The following ARHGAP44 variants were observed in gnomAD, a reference collection of about 807,000 sequenced individuals.
ARHGAP44 encodes the protein Rho GTPase activating protein 44.
A neutral mutation model predicts 106.8 loss-of-function variants in ARHGAP44; 43 were observed. The ratio of observed to expected loss-of-function variants is 0.40; its 90% CI spans 0.32 to 0.52. The LOEUF is 0.52. Among genes scored for constraint, ARHGAP44 ranks in the 20% least tolerant of loss-of-function variants. ARHGAP44 has a pLI of 0.48. For synonymous variants in ARHGAP44, 439 were observed against 410.3 expected (o/e 1.07, Z -0.85); for missense variants, 866 against 1,050.5 (o/e 0.82, Z 2.43).
At chr17:12,959,194 G>T (rs56251653) in intron 16 of ARHGAP44, 18,973 of 379,456 alleles carry the variant, frequency 0.05, 2,218 homozygotes, top group East Asian at 0.45. Flanking sequence ...AAATACATAC[G>T]CACTTTATTT....
chr17:12,797,364 T>C (rs1212550646), intron 1 of ARHGAP44, among the ~76,000 whole-genome samples: 1 of 152,248 alleles, frequency 6.6e-6, no homozygotes, highest in African/African-American at 2.4e-5. Flanking sequence ...TACCCTGCTA[T>C]TGATTAGTGT....
intron 6 of ARHGAP44, among the ~76,000 whole-genome samples, chr17:12,928,582 T>C (rs2038312851): frequency 6.6e-6 from 1 of 152,226 alleles, no homozygotes; most frequent in African/African-American, 2.4e-5. Context: ...TATATGATTA[T>C]GATTTATCCA....
chr17:12,790,944 A>G (rs1165992735), intron 1 of ARHGAP44, among the ~76,000 whole-genome samples: 2 of 152,114 alleles, frequency 1.3e-5, no homozygotes, highest in African/African-American at 4.8e-5. Flanking sequence ...TTCAAATGCA[A>G]GCTCAACACC....
rs147806975 is a variant in ARHGAP44, at chr17:12,909,362, C to T, written c.275+389C>T. Among the ~76,000 whole-genome samples the T allele has an allele frequency of 1.1e-3, 172 of 152,130 alleles. 2 individuals are homozygous for T. The highest frequency in any genetic ancestry group is 2.8e-3 in the African/African-American group (118 of 41,504). The stretch of plus-strand genomic sequence containing the variant: ...ATGAGAGAGCATCAGCAGACACAAT[C>T]AGTAGAAGAGTCAGTACCCTGAGAA... On this transcript the variant is annotated intron_variant, in intron 4 of 20. Transcript: ENST00000379672.
At chr17:12,859,135 G>C (rs770080621) in intron 1 of ARHGAP44, among the ~76,000 whole-genome samples, 18 of 152,146 alleles carry the variant, frequency 1.2e-4, no homozygotes, top group Non-Finnish European at 2.5e-4. Flanking sequence ...ATAAAAATGG[G>C]ATATTTGGAC....
At chr17:12,794,327 C>T (rs141226538) in intron 1 of ARHGAP44, among the ~76,000 whole-genome samples, 45 of 152,144 alleles carry the variant, frequency 3.0e-4, no homozygotes, top group South Asian at 1.0e-3. Flanking sequence ...GGGTTCACAG[C>T]GGCCCCATCC....
chr17:12,913,336 A>G (rs1322153629), intron 4 of ARHGAP44, among the ~76,000 whole-genome samples: 3 of 152,172 alleles, frequency 2.0e-5, no homozygotes, highest in Non-Finnish European at 4.4e-5. Flanking sequence ...GGTACGTAGA[A>G]AACAAGCAAG....
chr17:12,895,961 C>G (rs958958793), intron 2 of ARHGAP44, among the ~76,000 whole-genome samples: 9 of 152,046 alleles, frequency 5.9e-5, no homozygotes, highest in African/African-American at 1.4e-4. Context: ...TAGGGACATG[C>G]ATGAAGCTGG....
chr17:12,815,376 C>T (rs2034569148), intron 1 of ARHGAP44, among the ~76,000 whole-genome samples: 1 of 151,918 alleles, frequency 6.6e-6, no homozygotes, highest in African/African-American at 2.4e-5. Context: ...GTATTGTGTT[C>T]AATACTAGGA....
At chr17:12,824,091 C>G (rs1352077459) in intron 1 of ARHGAP44, among the ~76,000 whole-genome samples, 2 of 152,018 alleles carry the variant, frequency 1.3e-5, no homozygotes, top group Admixed American at 1.3e-4. Context: ...TTATTGGTCT[C>G]CAGTGCAGGA....
rs5819387 is a variant in ARHGAP44 at position 12,795,526 on chromosome 17, AT to A, written c.53+5647del. On this transcript the variant is annotated intron_variant, in intron 1 of 20. Coordinates refer to ENST00000379672, the MANE Select transcript of ARHGAP44 (RefSeq NM_014859.6). ...TCTCCATCAAAGTAATTTATCAATG[AT>A]TTTTTTTTTTTAATGATGGGCAATA... Among the ~76,000 whole-genome samples, 404 of 142,574 alleles carry A rather than the reference AT, an allele frequency of 2.8e-3. 1 individual carries two copies. The highest frequency in any genetic ancestry group is 7.4e-3 in the Middle Eastern group (2 of 272). The allele number at this position is 142,574 out of a possible 152,430, so 93.5% of individuals were successfully genotyped here.
At chr17:12,868,276 C>T (rs72813164) in intron 1 of ARHGAP44, among the ~76,000 whole-genome samples, 1,718 of 152,106 alleles carry the variant, frequency 0.011, 8 homozygotes, top group Non-Finnish European at 0.016. Context: ...ATAGGGACAC[C>T]AGTCATACTG....
intron 13 of ARHGAP44, among the ~76,000 whole-genome samples, chr17:12,955,596 C>G (rs762882839): frequency 4.6e-5 from 7 of 152,130 alleles, no homozygotes; most frequent in African/African-American, 9.7e-5. Flanking sequence ...TCATTATATA[C>G]TGAGTCAGAA....
intron 17 of ARHGAP44, chr17:12,973,711 C>G (rs938352060): frequency 2.5e-5 from 12 of 480,478 alleles, no homozygotes; most frequent in Non-Finnish European, 4.1e-5. Flanking sequence ...CCCTGCCCCC[C>G]CAGTTAGGCC....
At chr17:12,817,966 A>C (rs180774986) in intron 1 of ARHGAP44, among the ~76,000 whole-genome samples, 1 of 152,050 alleles carries the variant, frequency 6.6e-6, no homozygotes, top group South Asian at 2.1e-4. Context: ...TCTCTTTCAG[A>C]AAACAGAAGG....
At chr17:12,905,088 A>AT (rs2037508215) in intron 3 of ARHGAP44, among the ~76,000 whole-genome samples, 1 of 108,116 alleles carries the variant, frequency 9.2e-6, no homozygotes. Context: ...TTTTTTTTGT[A>AT]TTTTTAGAAG....
At chr17:12,929,161 A>T in intron 7 of ARHGAP44, 115 bp downstream of exon 7, 3 of 1,004,226 alleles carry the variant, frequency 3.0e-6, no homozygotes, top group Non-Finnish European at 4.4e-6. Flanking sequence ...AGTTGAACTG[A>T]ATGTCCCCAA....
chr17:12,890,668 T>G (rs896153841), intron 1 of ARHGAP44, among the ~76,000 whole-genome samples: 6 of 152,228 alleles, frequency 3.9e-5, no homozygotes, highest in African/African-American at 1.2e-4. Context: ...CTTCCTGCTA[T>G]CCATGCTAAG....
intron 18 of ARHGAP44, among the ~76,000 whole-genome samples, chr17:12,978,091 C>T (rs2039739994): frequency 7.1e-6 from 1 of 141,516 alleles, no homozygotes; most frequent in African/African-American, 2.6e-5. Context: ...AGGAAGAGCT[C>T]ATTCCTAGAT....
Sources: gnomAD v4.1 joint callset for allele counts (sites outside exome capture counted in the v4.1 genomes callset) on GRCh38, gnomAD v4.1.1 for gene constraint, MANE v1.5 for transcripts, NCBI Gene and HGNC (gene_info 2026-07-23, HGNC 2026-07-21) for gene names.